The following SPOCK3 variants were observed in gnomAD, a reference collection of about 807,000 sequenced individuals.
SPOCK3 encodes the protein SPARC (osteonectin), cwcv and kazal like domains proteoglycan 3.
SPOCK3 carries 30 observed loss-of-function variants against 56.6 expected under a neutral mutation model. That is an observed-to-expected ratio of 0.53 (90% CI 0.40 to 0.72). The LOEUF (loss-of-function observed/expected upper bound fraction) is 0.72, where lower values mean the gene tolerates loss of function less well. Ranked by LOEUF, SPOCK3 falls within the 30% of genes least tolerant of loss-of-function variation. The pLI, the probability that SPOCK3 is intolerant of heterozygous loss-of-function variation, is 0.00. For synonymous variants in SPOCK3, 196 were observed against 183.3 expected (o/e 1.07, Z -0.56); for missense variants, 527 against 530.0 (o/e 0.99, Z 0.06).
At chr4:166,745,361 A>G (rs2126428026) in intron 8 of SPOCK3, among the ~76,000 whole-genome samples, 1 of 152,330 alleles carries the variant, frequency 6.6e-6, no homozygotes, top group South Asian at 2.1e-4. Flanking sequence ...AGTATTTTCA[A>G]CCCAGTATTT....
rs1351949926 is a variant in SPOCK3 at position 167,205,154 on chromosome 4, A to C, written c.189+28831T>G. Among the ~76,000 whole-genome samples the C allele has an allele frequency of 1.6e-4, 17 of 108,172 alleles. No homozygotes were observed. In the East Asian group the frequency reaches 2.7e-3, roughly 17 times the overall value. The allele number at this position is 108,172 out of a possible 152,430, so 71.0% of individuals were successfully genotyped here. A position where few individuals can be genotyped will look rare whatever the true frequency, so the allele number is the denominator to read the frequency against. On this transcript the variant is annotated intron_variant, in intron 2 of 10. Coordinates refer to ENST00000357545, the MANE Select transcript of SPOCK3 (RefSeq NM_001040159.2). ...AAAAAAATACATATATATATATTTTATATATATATAATATATATTATATAT... is the reference window on the plus strand; with the variant it reads ...AAAAAAATACATATATATATATTTTCTATATATATAATATATATTATATAT...
chr4:167,106,789 A>G (rs1016978951), intron 2 of SPOCK3, among the ~76,000 whole-genome samples: 2 of 151,694 alleles, frequency 1.3e-5, no homozygotes, highest in African/African-American at 4.8e-5. Context: ...AGAAGACCCA[A>G]GTAAATAAAA....
chr4:166,964,607 C>T (rs753252966), intron 4 of SPOCK3, among the ~76,000 whole-genome samples: 17 of 151,230 alleles, frequency 1.1e-4, no homozygotes, highest in South Asian at 2.1e-4. Flanking sequence ...TCTAAATATA[C>T]GTATGTAAAT....
At chr4:166,775,187 G>GA (rs1389963440) in intron 7 of SPOCK3, among the ~76,000 whole-genome samples, 5 of 151,904 alleles carry the variant, frequency 3.3e-5, no homozygotes, top group Non-Finnish European at 7.4e-5. Flanking sequence ...TGTCACTGCA[G>GA]AAAAAAAATG....
At chr4:167,016,273 A>G (rs559649779) in intron 3 of SPOCK3, among the ~76,000 whole-genome samples, 1 of 152,278 alleles carries the variant, frequency 6.6e-6, no homozygotes, top group Admixed American at 6.5e-5. Flanking sequence ...TAAAAAGAAC[A>G]TATTTTTTAA....
chr4:167,169,225 T>C (rs977823223), intron 2 of SPOCK3, among the ~76,000 whole-genome samples: 1 of 152,136 alleles, frequency 6.6e-6, no homozygotes, highest in Non-Finnish European at 1.5e-5. Flanking sequence ...ATGGCCACTA[T>C]CCTCCAGAAC....
chr4:167,083,792 C>A (rs1757933238), intron 2 of SPOCK3, among the ~76,000 whole-genome samples: 1 of 152,030 alleles, frequency 6.6e-6, no homozygotes, highest in South Asian at 2.1e-4. Flanking sequence ...GTTCATAGTT[C>A]CTGAACATCA....
At chr4:167,066,291 A>G (rs555872519) in intron 2 of SPOCK3, among the ~76,000 whole-genome samples, 10 of 151,904 alleles carry the variant, frequency 6.6e-5, no homozygotes, top group Admixed American at 3.3e-4. Context: ...TAGGGAGACT[A>G]TTGTGTGCAT....
At position 166,833,220 on chromosome 4, in the gene SPOCK3, C is replaced by A. The variant is rs80035646; in HGVS notation, c.590-40931G>T. Among the ~76,000 whole-genome samples the A allele has an allele frequency of 1.8e-3, 274 of 152,204 alleles. 3 individuals are homozygous for A. In the East Asian group the frequency reaches 0.047, roughly 26 times the overall value. ...AATTATATTTTTGTCAGATAATATA[C>A]ATCACATGATTTCAATTCTGTTGAT... is the stretch of plus-strand genomic sequence containing the variant. On this transcript the variant is annotated intron_variant, in intron 6 of 10. Transcript: ENST00000357545.
At chr4:166,751,697 C>G (rs1372794292) in intron 8 of SPOCK3, among the ~76,000 whole-genome samples, 1 of 152,050 alleles carries the variant, frequency 6.6e-6, no homozygotes, top group Non-Finnish European at 1.5e-5. Flanking sequence ...TTTATCATTC[C>G]TTTATCTTAC....
intron 2 of SPOCK3, among the ~76,000 whole-genome samples, chr4:167,126,478 G>A (rs1762291984): frequency 6.6e-6 from 1 of 152,132 alleles, no homozygotes; most frequent in Admixed American, 6.5e-5. Context: ...GACCCCAGGA[G>A]GCAGAGGTTT....
chr4:166,831,892 T>A (rs1220193210), intron 6 of SPOCK3, among the ~76,000 whole-genome samples: 1 of 151,888 alleles, frequency 6.6e-6, no homozygotes, highest in East Asian at 1.9e-4. Context: ...GCGTGTCTTC[T>A]TTTGAGACTC....
chr4:167,091,275 A>G (rs956788144), intron 2 of SPOCK3, among the ~76,000 whole-genome samples: 4 of 152,332 alleles, frequency 2.6e-5, no homozygotes, highest in Admixed American at 1.3e-4. Flanking sequence ...ATAGCATATT[A>G]TTAACAATGA....
At chr4:166,988,659 A>G (rs914342449) in intron 4 of SPOCK3, among the ~76,000 whole-genome samples, 2 of 152,168 alleles carry the variant, frequency 1.3e-5, no homozygotes, top group Middle Eastern at 3.2e-3. Flanking sequence ...ATTCATAGGC[A>G]GCAGATAATG....
intron 5 of SPOCK3, among the ~76,000 whole-genome samples, chr4:166,901,104 G>A (rs1203410978): frequency 6.6e-6 from 1 of 152,094 alleles, no homozygotes; most frequent in Non-Finnish European, 1.5e-5. Flanking sequence ...AACAGGAGAT[G>A]GCACCAGCTC....
rs191060675 is a variant in SPOCK3 at position 166,868,134 on chromosome 4, C to G, written c.589+20996G>C. 8.6e-5 allele frequency among the ~76,000 whole-genome samples: 13 copies of G among 151,856 alleles called. No homozygotes were observed. The East Asian group carries it at 2.1e-3, about 25-fold the overall frequency. ...TTTCTTGCTACTCTAGTTACACATTCTGGAAGCAAAATTTAAAAATTACCC... is the reference window on the plus strand; with the variant it reads ...TTTCTTGCTACTCTAGTTACACATTGTGGAAGCAAAATTTAAAAATTACCC... On this transcript the variant is annotated intron_variant, in intron 6 of 10. Coordinates refer to ENST00000357545, the MANE Select transcript of SPOCK3 (RefSeq NM_001040159.2).
At chr4:166,864,292 G>A (rs999267216) in intron 6 of SPOCK3, among the ~76,000 whole-genome samples, 3 of 152,088 alleles carry the variant, frequency 2.0e-5, no homozygotes, top group African/African-American at 7.2e-5. Flanking sequence ...GTGTTAAGAG[G>A]GAAATTTATA....
intron 2 of SPOCK3, among the ~76,000 whole-genome samples, chr4:167,153,644 T>G (rs1764587423): frequency 6.6e-6 from 1 of 152,136 alleles, no homozygotes; most frequent in African/African-American, 2.4e-5. Context: ...CTTAAAAATC[T>G]TAAGAGACAG....
chr4:167,088,983 A>C (rs1252532574), intron 2 of SPOCK3, among the ~76,000 whole-genome samples: 1 of 152,160 alleles, frequency 6.6e-6, no homozygotes, highest in African/African-American at 2.4e-5. Flanking sequence ...CATATGTCAA[A>C]AACCAAGCTT....
Sources: gnomAD v4.1 joint callset for allele counts (sites outside exome capture counted in the v4.1 genomes callset) on GRCh38, gnomAD v4.1.1 for gene constraint, MANE v1.5 for transcripts, NCBI Gene and HGNC (gene_info 2026-07-23, HGNC 2026-07-21) for gene names.